Variants in CFAP54 observed in about 807,000 individuals in gnomAD.
CFAP54 encodes the protein cilia- and flagella-associated protein 54.
A neutral mutation model predicts 370.4 loss-of-function variants in CFAP54; 290 were observed. The ratio of observed to expected loss-of-function variants is 0.78; its 90% CI spans 0.71 to 0.86. The LOEUF (loss-of-function observed/expected upper bound fraction) is 0.86, where lower values mean the gene tolerates loss of function less well. CFAP54 is among the 40% of genes least tolerant of loss of function. The probability of loss-of-function intolerance (pLI) is 0.00; values close to 1 mark genes in which losing one functional copy is unlikely to be tolerated. For missense variants in CFAP54, 3,399 were observed against 3,528.7 expected, an observed-to-expected ratio of 0.96 and a Z score of 0.93; for synonymous variants, 1,206 against 1,236.5, an observed-to-expected ratio of 0.98 and a Z score of 0.52.
intron 32 of CFAP54, among the ~76,000 whole-genome samples, chr12:96,642,761 G>A (rs1390133237): frequency 2.0e-5 from 3 of 152,172 alleles, no homozygotes; most frequent in African/African-American, 7.2e-5. Context: ...GAGGATTTCT[G>A]CTGATTGTCC....
intron 58 of CFAP54, among the ~76,000 whole-genome samples, chr12:96,760,408 A>G (rs980164626): frequency 1.3e-5 from 2 of 152,220 alleles, no homozygotes; most frequent in Non-Finnish European, 2.9e-5. Context: ...TCATCCCAAG[A>G]AAGATCCCTT....
intron 50 of CFAP54, among the ~76,000 whole-genome samples, chr12:96,722,407 G>C (rs1019689810): frequency 6.6e-6 from 1 of 152,192 alleles, no homozygotes; most frequent in Non-Finnish European, 1.5e-5. Context: ...TAGACAAAGT[G>C]TTACAGGCCA....
At chr12:96,684,524 C>G (rs1442440552) in intron 40 of CFAP54, 124 bp from the exon 41 acceptor site, 2 of 703,500 alleles carry the variant, frequency 2.8e-6, no homozygotes. Context: ...GCGCTGTTAA[C>G]TTGCAGTTTG....
chr12:96,585,376 G>A (rs915146664), intron 22 of CFAP54, among the ~76,000 whole-genome samples: 1 of 152,014 alleles, frequency 6.6e-6, no homozygotes. Flanking sequence ...GTTTGAAAAC[G>A]TTAGGGCTTT....
chr12:96,625,574 C>A, intron 28 of CFAP54, 144 bp from the exon 29 acceptor site: 1 of 477,888 alleles, frequency 2.1e-6, no homozygotes, highest in Non-Finnish European at 3.6e-6. Flanking sequence ...GCTATAATTG[C>A]TATTTTAAGG....
chr12:96,813,164 CT>C (rs556418156), intron 64 of CFAP54, among the ~76,000 whole-genome samples: 79 of 152,092 alleles, frequency 5.2e-4, no homozygotes, highest in African/African-American at 1.1e-3. Flanking sequence ...TGATAAGCTT[CT>C]TTTTTTTATT....
At chr12:96,499,266 CTG>C (rs1414641185) in intron 1 of CFAP54, among the ~76,000 whole-genome samples, 1 of 152,210 alleles carries the variant, frequency 6.6e-6, no homozygotes, top group Non-Finnish European at 1.5e-5. Context: ...GCATGAGCCA[CTG>C]TGCCTGGCCA....
At chr12:96,678,346 G>A (rs1957234001) in intron 39 of CFAP54, among the ~76,000 whole-genome samples, 1 of 152,128 alleles carries the variant, frequency 6.6e-6, no homozygotes, top group Non-Finnish European at 1.5e-5. Context: ...CACCTCCCAG[G>A]TTCAAGTGAT....
chr12:96,820,023 A>T (rs1272659091), intron 65 of CFAP54, among the ~76,000 whole-genome samples: 1 of 152,146 alleles, frequency 6.6e-6, no homozygotes, highest in African/African-American at 2.4e-5. Flanking sequence ...CATCTTTTGC[A>T]TGCCTCCTAC....
At chr12:96,843,988 T>C (rs1308164184) in intron 66 of CFAP54, among the ~76,000 whole-genome samples, 1 of 152,256 alleles carries the variant, frequency 6.6e-6, no homozygotes, top group Non-Finnish European at 1.5e-5. Context: ...AATAGGCATT[T>C]GCAGGCATGC....
intron 39 of CFAP54, among the ~76,000 whole-genome samples, chr12:96,678,383 C>T (rs917638696): frequency 3.9e-5 from 6 of 152,120 alleles, no homozygotes; most frequent in African/African-American, 1.4e-4. Flanking sequence ...TCTTCAGTTG[C>T]TGGGATTACA....
chr12:96,755,860 G>A (rs907995108), intron 56 of CFAP54, among the ~76,000 whole-genome samples: 12 of 151,758 alleles, frequency 7.9e-5, no homozygotes, highest in South Asian at 2.1e-4. Flanking sequence ...TAGAGATGGC[G>A]TTTCACCATG....
chr12:96,533,923 G>A lies in CFAP54; in HGVS notation c.1489G>A (p.Glu497Lys). The A allele has an allele frequency of 6.5e-7, 1 of 1,533,684 alleles. No homozygotes were observed. Among genetic ancestry groups the A allele is most frequent in the Non-Finnish European group, 8.7e-7 (1 of 1,146,034 alleles). ...TATAAAATTAGCTTTTACCTATGAGGAGTGGAGTTTATTTGAATCTTCTGC... is the reference window on the plus strand; with the variant it reads ...TATAAAATTAGCTTTTACCTATGAGAAGTGGAGTTTATTTGAATCTTCTGC... ...KFIKLAFTYEEWSLFESSAVH... is the reference protein window; with the variant it reads ...KFIKLAFTYEKWSLFESSAVH... The change falls in exon 10 of 68, where the codon GAG (glutamate) becomes AAG (lysine). Residue 497 changes from glutamate to lysine, a missense_variant. Around this residue, in one of 3 missense-constraint regions of CFAP54, gnomAD observed 44 missense variants for 82.3 expected, o/e 0.53. Coordinates refer to ENST00000524981, the MANE Select transcript of CFAP54 (RefSeq NM_001306084.2).
At chr12:96,802,549 T>C (rs1337042966) in intron 63 of CFAP54, among the ~76,000 whole-genome samples, 1 of 152,138 alleles carries the variant, frequency 6.6e-6, no homozygotes, top group Admixed American at 6.5e-5. Flanking sequence ...GCTCCATCAG[T>C]GCTATAGCCA....
intron 43 of CFAP54, among the ~76,000 whole-genome samples, chr12:96,690,645 A>ATTTG (rs537000580): frequency 4.0e-5 from 6 of 151,592 alleles, no homozygotes; most frequent in Admixed American, 6.6e-5. Context: ...GTTTTTTTTT[A>ATTTG]TTTGTTTGTT....
At chr12:96,799,866 A>T (rs1389817539) in intron 63 of CFAP54, among the ~76,000 whole-genome samples, 2 of 152,324 alleles carry the variant, frequency 1.3e-5, no homozygotes, top group East Asian at 3.9e-4. Flanking sequence ...GAAACACAAA[A>T]AACACTAGAA....
intron 56 of CFAP54, among the ~76,000 whole-genome samples, chr12:96,755,313 A>C (rs1223428147): frequency 4.6e-5 from 7 of 152,230 alleles, no homozygotes. Context: ...GCTAATTAGC[A>C]TATCCATCAC....
In CFAP54 at chr12:96,685,095, G is replaced by T; in HGVS notation, c.5871G>T (p.Thr1957=). The T allele has an allele frequency of 6.2e-7, 1 of 1,614,084 alleles. No homozygotes were observed. The highest frequency in any genetic ancestry group is 8.5e-7 in the Non-Finnish European group (1 of 1,179,984). Residue 1957 remains threonine (T), a synonymous_variant, in exon 42 of 68, where the codon ACG becomes ACT. Coordinates refer to ENST00000524981, the MANE Select transcript of CFAP54 (RefSeq NM_001306084.2). ...TCAGAAAACCAGACGTGCTACACAC[G>T]TGGAAAGAATTTGGCCCCTCACTCA... The part of the protein sequence containing the change: ...DIFRKPDVLH[T]WKEFGPSLTN...
At chr12:96,675,673 G>C (rs749874378) in intron 39 of CFAP54, among the ~76,000 whole-genome samples, 1 of 152,126 alleles carries the variant, frequency 6.6e-6, no homozygotes, top group African/African-American at 2.4e-5. Context: ...CAATAGCAAA[G>C]ACTTGGAACC....
Sources: allele counts gnomAD v4.1 joint callset (sites outside exome capture counted in the v4.1 genomes callset), GRCh38; gene constraint gnomAD v4.1.1; regional missense constraint gnomAD v4.1.1; transcripts MANE v1.5; gene names NCBI Gene and HGNC (gene_info 2026-07-23, HGNC 2026-07-21).